The following CEACAM20 variants were observed in gnomAD, a reference collection of about 807,000 sequenced individuals.
CEACAM20 encodes the protein cell adhesion molecule CEACAM20.
In CEACAM20, 50 loss-of-function variants were observed where a neutral mutation model predicts 61.2. The ratio of observed to expected loss-of-function variants is 0.82; its 90% CI spans 0.65 to 1.03. CEACAM20 has a LOEUF of 1.03. Among genes scored for constraint, CEACAM20 ranks in the 50% least tolerant of loss-of-function variants. The pLI, the probability that CEACAM20 is intolerant of heterozygous loss-of-function variation, is 0.00. For synonymous variants in CEACAM20, 282 were observed against 287.7 expected, an observed-to-expected ratio of 0.98 and a Z score of 0.20; for missense variants, 683 against 736.4, an observed-to-expected ratio of 0.93 and a Z score of 0.84.
At chr19:44,514,994 C>T (rs185975214) in intron 6 of CEACAM20, among the ~76,000 whole-genome samples, 48 of 142,002 alleles carry the variant, frequency 3.4e-4, no homozygotes, top group African/African-American at 1.4e-3. Flanking sequence ...CCCACCACCA[C>T]GCCTGGCTAA....
chr19:44,520,402 A>T, intron 5 of CEACAM20, 72 bp downstream of exon 5: 2 of 1,544,556 alleles, frequency 1.3e-6, no homozygotes, highest in Non-Finnish European at 1.8e-6. Context: ...AGCATGAATG[A>T]CTAGAAGGAA....
chr19:44,520,290 G>C (rs1009508495), intron 5 of CEACAM20, among the ~76,000 whole-genome samples, 184 bp downstream of exon 5: 18 of 152,172 alleles, frequency 1.2e-4, no homozygotes, highest in African/African-American at 4.1e-4. Flanking sequence ...TCTGTTTATG[G>C]TCTGGCTTCT....
chr19:44,506,472 T>A (rs1486841167), intron 11 of CEACAM20, among the ~76,000 whole-genome samples: 2 of 152,158 alleles, frequency 1.3e-5, no homozygotes, highest in African/African-American at 4.8e-5. Flanking sequence ...CTTTATGTAA[T>A]CTCCTCCCCT....
intron 1 of CEACAM20, among the ~76,000 whole-genome samples, chr19:44,527,333 C>T (rs144002179): frequency 6.6e-6 from 1 of 152,242 alleles, no homozygotes; most frequent in Non-Finnish European, 1.5e-5. Flanking sequence ...GGTTTCTCTG[C>T]CTCAAATGCT....
chr19:44,516,491 T>TA (rs1971158390), intron 6 of CEACAM20, among the ~76,000 whole-genome samples: 1 of 152,228 alleles, frequency 6.6e-6, no homozygotes, highest in Non-Finnish European at 1.5e-5. Flanking sequence ...GATGGTTTTA[T>TA]AAAGGGTTTC....
chr19:44,518,744 T>C (rs1971268176), intron 5 of CEACAM20, among the ~76,000 whole-genome samples: 1 of 152,072 alleles, frequency 6.6e-6, no homozygotes, highest in Admixed American at 6.5e-5. Context: ...CTCCCCATCC[T>C]GACCCCATTG....
At position 44,524,089 on chromosome 19, in the gene CEACAM20, G is replaced by A; in HGVS notation, c.369C>T (p.Leu123=). The A allele has an allele frequency of 1.3e-6, 2 of 1,597,374 alleles. No individual in the cohort carries two copies. The highest frequency in any genetic ancestry group is 2.2e-5 in the East Asian group (1 of 44,560). The part of the protein sequence containing the change: ...RMQLSKDGKI[L]TILIVQREDS... ...CCTCCCGCTGGACAATGAGAATGGT[G>A]AGGATCTTGCCATCCTTGGACAGCT... The change falls in exon 3 of 12, where the codon CTC becomes CTT. Residue 123 remains leucine, a synonymous_variant. Transcript: ENST00000614924.
intron 5 of CEACAM20, among the ~76,000 whole-genome samples, chr19:44,517,698 A>G (rs1971209697): frequency 6.9e-6 from 1 of 145,636 alleles, no homozygotes; most frequent in Non-Finnish European, 1.5e-5. Flanking sequence ...TTCCATCTCA[A>G]AAAAAAAAAA....
At chr19:44,516,395 G>A (rs993122650) in intron 6 of CEACAM20, among the ~76,000 whole-genome samples, 1 of 152,146 alleles carries the variant, frequency 6.6e-6, no homozygotes, top group African/African-American at 2.4e-5. Flanking sequence ...AAGTGTTGTG[G>A]GAGGGACCTG....
chr19:44,518,235 AAAGGAAGG>A (rs1359785245), intron 5 of CEACAM20, among the ~76,000 whole-genome samples: 1 of 52,648 alleles, frequency 1.9e-5, no homozygotes, highest in Non-Finnish European at 3.0e-5. Flanking sequence ...AGAGAGAGAG[AAAGGAAGG>A]AAGGAAGGAA....
intron 6 of CEACAM20, among the ~76,000 whole-genome samples, chr19:44,515,739 C>T (rs1017344656): frequency 1.3e-5 from 2 of 152,002 alleles, no homozygotes; most frequent in South Asian, 2.1e-4. Flanking sequence ...TGAAGCGGGA[C>T]GATCACTTGA....
intron 5 of CEACAM20, 110 bp from the exon 6 acceptor site, chr19:44,517,334 C>T (rs1346346418): frequency 1.5e-6 from 2 of 1,296,348 alleles, no homozygotes; most frequent in African/African-American, 2.9e-5. Flanking sequence ...GAACATACTC[C>T]CTTTTCCTCC....
Position 44,517,593 on chromosome 19 carries a change from A to T in CEACAM20, c.1031-369T>A, listed in dbSNP as rs143074159. On this transcript the variant is annotated intron_variant, in intron 5 of 11. Transcript: ENST00000614924. ...GCACCTGTAGTCCCAGCTACTCGGGAGGCTGAGGCTACAGAATTGCTTGAA... is the reference window on the plus strand; with the variant it reads ...GCACCTGTAGTCCCAGCTACTCGGGTGGCTGAGGCTACAGAATTGCTTGAA... 8.1e-3 allele frequency among the ~76,000 whole-genome samples: 1,222 copies of T among 151,070 alleles called. 18 individuals carry two copies. The highest frequency in any genetic ancestry group is 0.028 in the African/African-American group (1,164 of 41,182).
chr19:44,518,235 A>AAGG lies in CEACAM20; in HGVS notation c.1031-1012_1031-1011insCCT, dbSNP rs200258595. Reference sequence around the variant, plus strand: ...GAAGGAAGGAGAGAGAGAGAGAGAGAAAGGAAGGAAGGAAGGAAGGAAGGA... The same window carrying AAGG: ...GAAGGAAGGAGAGAGAGAGAGAGAGAAGGAAGGAAGGAAGGAAGGAAGGAAGGA... On this transcript the variant is annotated intron_variant, in intron 5 of 11. Transcript: ENST00000614924. Among the ~76,000 whole-genome samples the AAGG allele has an allele frequency of 6.3e-3, 329 of 52,640 alleles. 1 individual carries two copies. Among genetic ancestry groups the AAGG allele is most frequent in the African/African-American group, 0.05 (269 of 5,410 alleles). The allele number at this position is 52,640 out of a possible 152,430, so 34.5% of individuals were successfully genotyped here. A position where few individuals can be genotyped will look rare whatever the true frequency, so the allele number is the denominator to read the frequency against.
At chr19:44,525,587 C>T (rs114671932) in intron 1 of CEACAM20, among the ~76,000 whole-genome samples, 40 of 152,244 alleles carry the variant, frequency 2.6e-4, no homozygotes, top group African/African-American at 9.1e-4. Context: ...GGATTAGAGG[C>T]ACAGGCCACC....
chr19:44,507,701 T>C (rs985530603), intron 11 of CEACAM20, among the ~76,000 whole-genome samples: 1 of 152,216 alleles, frequency 6.6e-6, no homozygotes, highest in Non-Finnish European at 1.5e-5. Context: ...GGTTTAACTT[T>C]CTTAACATTA....
intron 5 of CEACAM20, 49 bp downstream of exon 5, chr19:44,520,425 A>T (rs768847226): frequency 1.9e-6 from 3 of 1,584,400 alleles, no homozygotes; most frequent in East Asian, 4.5e-5. Context: ...ACTTAAAGAG[A>T]AGGAGGGAAG....
chr19:44,511,068 C>T lies in CEACAM20; in HGVS notation c.1699G>A (p.Val567Ile). Residue 567 changes from valine (V) to isoleucine (I), a missense_variant, in exon 11 of 12, where the codon GTC becomes ATC. By Grantham distance (29) the Val-to-Ile change is conservative. Coordinates refer to ENST00000614924, the MANE Select transcript of CEACAM20 (RefSeq NM_001102597.3). ...PKPLMPPLRL[V>I]STVPKNMESI... ...TCCATGTTTTTTGGCACAGTGGAGACCAATCTGAGTGGGGGCATCAGAGGT... is the reference window on the plus strand; with the variant it reads ...TCCATGTTTTTTGGCACAGTGGAGATCAATCTGAGTGGGGGCATCAGAGGT... The T allele has an allele frequency of 6.2e-7, 1 of 1,613,912 alleles. No individual in the cohort carries two copies. The highest frequency in any genetic ancestry group is 8.5e-7 in the Non-Finnish European group (1 of 1,179,864).
intron 2 of CEACAM20, 121 bp from the exon 3 acceptor site, chr19:44,524,382 G>A (rs1305740163): frequency 1.6e-5 from 17 of 1,087,790 alleles, no homozygotes; most frequent in African/African-American, 6.3e-5. Context: ...ACTCTCTGGA[G>A]TTGGATGCCT....
Sources: gnomAD v4.1 joint callset for allele counts (sites outside exome capture counted in the v4.1 genomes callset) on GRCh38, gnomAD v4.1.1 for gene constraint, MANE v1.5 for transcripts, NCBI Gene and HGNC (gene_info 2026-07-23, HGNC 2026-07-21) for gene names.